Variants in ATOSA observed in about 807,000 individuals in gnomAD.
ATOSA encodes the protein atos homolog A, also known as atos homolog protein A.
At chr15:52,669,006 C>T in the ATOSA span, among the ~76,000 whole-genome samples, 30 of 151,720 alleles carry the variant, frequency 2.0e-4, 1 homozygote, top group Admixed American at 1.2e-3. Flanking sequence ...CCCCGGTTCA[C>T]GCCATTCTCC....
At chr15:52,675,720 T>G in the ATOSA span, among the ~76,000 whole-genome samples, 1 of 151,984 alleles carries the variant, frequency 6.6e-6, no homozygotes, top group African/African-American at 2.4e-5. Flanking sequence ...TATCCTGGCT[T>G]ACACGGTGAA....
the ATOSA span, among the ~76,000 whole-genome samples, chr15:52,612,448 C>T: frequency 6.6e-6 from 1 of 151,850 alleles, no homozygotes; most frequent in Admixed American, 6.6e-5. Flanking sequence ...TTCTTAAATC[C>T]GAACACCAAA....
chr15:52,613,864 TA>T, the ATOSA span: 3 of 1,611,778 alleles, frequency 1.9e-6, no homozygotes, highest in South Asian at 1.1e-5. Context: ...GTATCTGATA[TA>T]AAAAAGGGGC....
chr15:52,697,953 T>G, the ATOSA span, among the ~76,000 whole-genome samples: 1 of 141,082 alleles, frequency 7.1e-6, no homozygotes, highest in East Asian at 2.1e-4. Context: ...TTCAGGGATG[T>G]AGAATTTTTT....
the ATOSA span, among the ~76,000 whole-genome samples, chr15:52,606,412 T>C: frequency 6.6e-6 from 1 of 152,154 alleles, no homozygotes; most frequent in South Asian, 2.1e-4. Flanking sequence ...TACCATTTAT[T>C]AGCTTTGTGA....
the ATOSA span, among the ~76,000 whole-genome samples, chr15:52,588,836 G>A: frequency 2.0e-5 from 3 of 152,336 alleles, no homozygotes; most frequent in Admixed American, 2.0e-4. Context: ...TAGTTAAGGA[G>A]AACTGTATGT....
the ATOSA span, chr15:52,582,070 T>G: frequency 6.4e-3 from 7,337 of 1,138,096 alleles, 52 homozygotes; most frequent in Middle Eastern, 0.03. Flanking sequence ...CTCTCCTGAT[T>G]GTTAATTTGG....
the ATOSA span, among the ~76,000 whole-genome samples, chr15:52,690,194 T>G: frequency 5.9e-5 from 9 of 152,240 alleles, no homozygotes; most frequent in Admixed American, 5.9e-4. Context: ...CCTATACATA[T>G]GTCAGTTACT....
At chr15:52,611,560 C>T in the ATOSA span, 9 of 1,611,304 alleles carry the variant, frequency 5.6e-6, no homozygotes, top group African/African-American at 4.0e-5. Context: ...CTTTGAACTA[C>T]GTTCAACAAC....
chr15:52,598,534 T>G, the ATOSA span: 1 of 152,194 alleles, frequency 6.6e-6, no homozygotes, highest in Admixed American at 6.5e-5. Context: ...CCATCTTTTA[T>G]TGCACAGAAT....
chr15:52,606,048 T>A, the ATOSA span, among the ~76,000 whole-genome samples: 1 of 152,116 alleles, frequency 6.6e-6, no homozygotes, highest in Non-Finnish European at 1.5e-5. Context: ...TGTACTGTAC[T>A]CACCTATTTT....
At chr15:52,637,509 A>T in the ATOSA span, among the ~76,000 whole-genome samples, 1 of 152,142 alleles carries the variant, frequency 6.6e-6, no homozygotes, top group African/African-American at 2.4e-5. Context: ...GAGTCTTATA[A>T]ATTGTACCTC....
the ATOSA span, among the ~76,000 whole-genome samples, chr15:52,607,795 A>G: frequency 6.6e-6 from 1 of 152,246 alleles, no homozygotes; most frequent in Non-Finnish European, 1.5e-5. Flanking sequence ...GTAGTATTTT[A>G]TAAATATTAT....
At chr15:52,680,743 T>C in the ATOSA span, among the ~76,000 whole-genome samples, 1 of 152,246 alleles carries the variant, frequency 6.6e-6, no homozygotes. Context: ...ATCATGACGA[T>C]GAAACTGACA....
At chr15:52,654,708 T>A in the ATOSA span, among the ~76,000 whole-genome samples, 1 of 152,098 alleles carries the variant, frequency 6.6e-6, no homozygotes, top group East Asian at 1.9e-4. Flanking sequence ...CAAAACTATG[T>A]TTTCCAAATA....
At chr15:52,613,944 A>G in the ATOSA span, 1 of 979,900 alleles carries the variant, frequency 1.0e-6, no homozygotes, top group Middle Eastern at 2.1e-4. Flanking sequence ...CTAATGTCAC[A>G]TTACACATTA....
At chr15:52,697,919 A>G in the ATOSA span, among the ~76,000 whole-genome samples, 337 of 146,758 alleles carry the variant, frequency 2.3e-3, 6 homozygotes, top group South Asian at 0.016. Context: ...GCTCCAATTT[A>G]AAAGACTGAC....
chr15:52,591,071 C>T, the ATOSA span, among the ~76,000 whole-genome samples: 1 of 152,288 alleles, frequency 6.6e-6, no homozygotes, highest in East Asian at 1.9e-4. Flanking sequence ...TTAATGCTGT[C>T]TTGCTTTTTA....
At chr15:52,705,534 A>AG in the ATOSA span, among the ~76,000 whole-genome samples, 1 of 101,382 alleles carries the variant, frequency 9.9e-6, no homozygotes, top group Non-Finnish European at 2.1e-5. Flanking sequence ...CAGAAAGAAG[A>AG]GAAAAAAAAA....
Sources: allele counts gnomAD v4.1 joint callset (sites outside exome capture counted in the v4.1 genomes callset), GRCh38; gene constraint gnomAD v4.1.1; transcripts MANE v1.5; gene names NCBI Gene and HGNC (gene_info 2026-07-23, HGNC 2026-07-21).